Variants in CCDC7 observed in about 807,000 individuals in gnomAD.
CCDC7 encodes coiled-coil domain-containing protein 7.
A neutral mutation model predicts 196.9 loss-of-function variants in CCDC7; 183 were observed. The observed-to-expected ratio is 0.93, with a 90% confidence interval of 0.82 to 1.05. The LOEUF is 1.05. Ranked by LOEUF, CCDC7 falls within the 50% of genes least tolerant of loss-of-function variation. The probability of loss-of-function intolerance (pLI) is 0.00; values close to 1 mark genes in which losing one functional copy is unlikely to be tolerated. For missense variants in CCDC7, 1,540 were observed against 1,482.2 expected, an observed-to-expected ratio of 1.04 and a Z score of -0.64; for synonymous variants, 525 against 484.6, an observed-to-expected ratio of 1.08 and a Z score of -1.10.
At chr10:32,473,021 T>C (rs185258741) in intron 7 of CCDC7, among the ~76,000 whole-genome samples, 36 of 152,350 alleles carry the variant, frequency 2.4e-4, no homozygotes, top group African/African-American at 8.4e-4. Flanking sequence ...GATATTTTAA[T>C]AAAAGTTTTT....
chr10:32,700,050 T>G (rs1199980152), intron 24 of CCDC7, among the ~76,000 whole-genome samples: 1 of 149,556 alleles, frequency 6.7e-6, no homozygotes, highest in Non-Finnish European at 1.5e-5. Context: ...CAGAAGCTCT[T>G]CAGTTTAATT....
At chr10:32,482,446 T>C (rs1344816916) in intron 8 of CCDC7, among the ~76,000 whole-genome samples, 1 of 151,922 alleles carries the variant, frequency 6.6e-6, no homozygotes, top group Non-Finnish European at 1.5e-5. Flanking sequence ...AGTGGACATA[T>C]TTTTTACTTA....
At chr10:32,482,169 G>T (rs1296936702) in intron 8 of CCDC7, among the ~76,000 whole-genome samples, 2 of 146,682 alleles carry the variant, frequency 1.4e-5, no homozygotes, top group Non-Finnish European at 1.5e-5. Flanking sequence ...AATCCTGTAG[G>T]CTTTATTTAT....
intron 28 of CCDC7, among the ~76,000 whole-genome samples, chr10:32,758,902 C>G (rs930109111): frequency 6.6e-6 from 1 of 152,206 alleles, no homozygotes; most frequent in African/African-American, 2.4e-5. Context: ...AGCAAAATCT[C>G]AGGATACAAA....
intron 18 of CCDC7, among the ~76,000 whole-genome samples, chr10:32,613,964 T>G (rs1349009628): frequency 2.0e-5 from 3 of 152,216 alleles, no homozygotes; most frequent in African/African-American, 7.2e-5. Flanking sequence ...CTGAATATCC[T>G]TGTTAATTTT....
Position 32,862,804 on chromosome 10 carries a change from G to A in CCDC7, c.4111+8315G>A, listed in dbSNP as rs1399104784. On this transcript the variant is annotated intron_variant, in intron 41 of 41. Transcript: ENST00000639629. ...ACCCTAAAGACTACATTACTTAAGTGCTAACTTTGCAGGATACAAAATCAA... is the reference window on the plus strand; with the variant it reads ...ACCCTAAAGACTACATTACTTAAGTACTAACTTTGCAGGATACAAAATCAA... 2.0e-5 allele frequency among the ~76,000 whole-genome samples: 3 copies of A among 151,992 alleles called. No individual in the cohort carries two copies. In the East Asian group the frequency reaches 5.8e-4, roughly 29 times the overall value.
intron 13 of CCDC7, among the ~76,000 whole-genome samples, chr10:32,561,470 C>T (rs2055613079): frequency 6.6e-6 from 1 of 152,192 alleles, no homozygotes; most frequent in South Asian, 2.1e-4. Flanking sequence ...ACAGTGCAAT[C>T]AAACTAGAAC....
In CCDC7 at chr10:32,785,610, TA is replaced by T. The variant is rs548134740; in HGVS notation, c.3013+6527del. The stretch of plus-strand genomic sequence containing the variant: ...AGAAAAAAGATTAAAATAAGAGAAT[TA>T]TTTTTTTAAAGTAGAGGACATAGAA... On this transcript the variant is annotated intron_variant, in intron 29 of 41. Coordinates refer to ENST00000639629, the Ensembl canonical transcript of CCDC7. 2.3e-3 allele frequency among the ~76,000 whole-genome samples: 349 copies of T among 152,226 alleles called. 3 individuals are homozygous for T. The highest frequency in any genetic ancestry group is 8.0e-3 in the African/African-American group (334 of 41,546).
rs192045847 is a variant in CCDC7, at chr10:32,873,322, C to T, written c.4112-3025C>T. Reference sequence around the variant, plus strand: ...ATTGATACCCTTTCTTCCAGTTGATCGAATTGGCTACTGAGGCTTGTGCAT... The same window carrying T: ...ATTGATACCCTTTCTTCCAGTTGATTGAATTGGCTACTGAGGCTTGTGCAT... On this transcript the variant is annotated intron_variant, in intron 41 of 41. Transcript: ENST00000639629. Among the ~76,000 whole-genome samples, 17 of 152,080 alleles carry T rather than the reference C, an allele frequency of 1.1e-4. No homozygotes were observed. In the East Asian group the frequency reaches 2.7e-3, roughly 24 times the overall value.
At chr10:32,649,688 T>G (rs567130613) in intron 20 of CCDC7, among the ~76,000 whole-genome samples, 1 of 152,258 alleles carries the variant, frequency 6.6e-6, no homozygotes, top group Non-Finnish European at 1.5e-5. Context: ...AATCCCATAT[T>G]TCTGGGATGT....
upstream of CCDC7, among the ~76,000 whole-genome samples, chr10:32,444,849 TG>T (rs1050026210): frequency 1.1e-4 from 13 of 120,598 alleles, no homozygotes; most frequent in South Asian, 7.2e-4. Context: ...TATGCCTTCA[TG>T]TTTTTTTTTT....
chr10:32,678,819 G>T (rs2075416630), intron 21 of CCDC7, among the ~76,000 whole-genome samples: 1 of 152,074 alleles, frequency 6.6e-6, no homozygotes, highest in Non-Finnish European at 1.5e-5. Context: ...TCCTTTAATT[G>T]CACTTTTGCC....
chr10:32,713,008 C>T (rs774906942), intron 25 of CCDC7, among the ~76,000 whole-genome samples: 20 of 152,176 alleles, frequency 1.3e-4, no homozygotes, highest in Non-Finnish European at 2.8e-4. Flanking sequence ...ATTGGTACTA[C>T]GTGCCAGTAG....
chr10:32,668,075 G>A (rs1476345390), intron 21 of CCDC7, among the ~76,000 whole-genome samples: 1 of 152,026 alleles, frequency 6.6e-6, no homozygotes, highest in African/African-American at 2.4e-5. Flanking sequence ...TCCTTGAAGA[G>A]GTCCTTCACG....
intron 33 of CCDC7, among the ~76,000 whole-genome samples, chr10:32,838,272 G>C (rs1388355603): frequency 6.6e-6 from 1 of 151,948 alleles, no homozygotes; most frequent in Admixed American, 6.6e-5. Flanking sequence ...CAAAATCAAA[G>C]TGCTGCCAAG....
intron 17 of CCDC7, 95 bp from the exon 19 acceptor site, chr10:32,584,137 G>C: frequency 2.0e-6 from 1 of 493,504 alleles, no homozygotes; most frequent in Non-Finnish European, 3.3e-6. Context: ...CAAAAAGCTA[G>C]CTCTTTTTCT....
At chr10:32,652,060 CTG>C (rs1408737147) in intron 20 of CCDC7, among the ~76,000 whole-genome samples, 1 of 152,012 alleles carries the variant, frequency 6.6e-6, no homozygotes, top group African/African-American at 2.4e-5. Flanking sequence ...CGCTTTTAGT[CTG>C]TTAATATTTG....
intron 8 of CCDC7, among the ~76,000 whole-genome samples, chr10:32,479,194 A>G (rs982625077): frequency 2.6e-5 from 4 of 151,872 alleles, no homozygotes; most frequent in Admixed American, 1.3e-4. Flanking sequence ...TTGCATTCGT[A>G]TTTGGACACC....
At chr10:32,481,975 T>C (rs1175949157) in intron 8 of CCDC7, among the ~76,000 whole-genome samples, 1 of 152,148 alleles carries the variant, frequency 6.6e-6, no homozygotes, top group Non-Finnish European at 1.5e-5. Context: ...ATAATACATT[T>C]TGATGAAATA....
Sources: allele counts gnomAD v4.1 joint callset (sites outside exome capture counted in the v4.1 genomes callset), GRCh38; gene constraint gnomAD v4.1.1; transcripts MANE v1.5; gene names NCBI Gene and HGNC (gene_info 2026-07-23, HGNC 2026-07-21).